Variants in COL25A1 observed in about 807,000 individuals in gnomAD.
The protein encoded by COL25A1 is collagen alpha-1(XXV) chain.
Under a neutral mutation model 128.4 loss-of-function variants are expected in COL25A1, and 103 were observed. The ratio of observed to expected loss-of-function variants is 0.80; its 90% CI spans 0.68 to 0.94. The LOEUF (loss-of-function observed/expected upper bound fraction) is 0.94. Ranked by LOEUF, COL25A1 falls within the 40% of genes least tolerant of loss-of-function variation. The pLI is 0.00. For missense variants in COL25A1, 745 were observed against 840.0 expected, an observed-to-expected ratio of 0.89 and a Z score of 1.40; for synonymous variants, 279 against 277.2, an observed-to-expected ratio of 1.01 and a Z score of -0.06.
chr4:109,283,328 C>A (rs942324301), intron 3 of COL25A1, among the ~76,000 whole-genome samples: 10 of 152,118 alleles, frequency 6.6e-5, no homozygotes, highest in Non-Finnish European at 1.3e-4. Flanking sequence ...GCTCATATAA[C>A]CTCGAACTTC....
chr4:109,094,009 T>G (rs555949986), intron 3 of COL25A1, among the ~76,000 whole-genome samples: 1 of 152,112 alleles, frequency 6.6e-6, no homozygotes, highest in Admixed American at 6.5e-5. Context: ...ATTATATGAC[T>G]AGTCAAATAC....
In COL25A1 at chr4:108,975,181, G is replaced by A. The variant is rs571516017; in HGVS notation, c.439-622C>T. On this transcript the variant is annotated intron_variant, in intron 6 of 37. Transcript: ENST00000399132. ...TTATAAAAATACGCTATGGCCAGGC[G>A]CAGTGGCTCATGCCTGTAATCCCAG... Among the ~76,000 whole-genome samples, 11 of 152,344 alleles carry A rather than the reference G, an allele frequency of 7.2e-5. No homozygotes were observed. In the South Asian group the frequency reaches 1.0e-3, roughly 14 times the overall value.
chr4:109,287,336 C>T (rs1182001108), intron 3 of COL25A1, among the ~76,000 whole-genome samples: 2 of 152,092 alleles, frequency 1.3e-5, no homozygotes, highest in Admixed American at 6.6e-5. Flanking sequence ...AGGCATTTGG[C>T]ACAGGGTTTC....
At chr4:109,058,256 A>T (rs933210657) in intron 3 of COL25A1, among the ~76,000 whole-genome samples, 1 of 152,134 alleles carries the variant, frequency 6.6e-6, no homozygotes, top group South Asian at 2.1e-4. Context: ...AGGATCCTAC[A>T]GGGGATTTAT....
chr4:108,854,401 C>CA (rs1260362656), intron 24 of COL25A1, among the ~76,000 whole-genome samples: 3 of 151,776 alleles, frequency 2.0e-5, no homozygotes, highest in East Asian at 1.9e-4. Context: ...TTCTGAATAG[C>CA]AAAAAAACTA....
At chr4:109,283,841 T>TA (rs1723616184) in intron 3 of COL25A1, among the ~76,000 whole-genome samples, 1 of 152,210 alleles carries the variant, frequency 6.6e-6, no homozygotes, top group Non-Finnish European at 1.5e-5. Flanking sequence ...CTATCTCAGC[T>TA]AAAGTTCTGC....
intron 10 of COL25A1, among the ~76,000 whole-genome samples, chr4:108,939,936 T>A (rs925417701): frequency 2.0e-5 from 3 of 152,202 alleles, no homozygotes; most frequent in African/African-American, 7.2e-5. Context: ...TGAATAAGCC[T>A]TACATACAAA....
At chr4:108,913,961 A>C (rs942642069) in intron 13 of COL25A1, among the ~76,000 whole-genome samples, 2 of 152,210 alleles carry the variant, frequency 1.3e-5, no homozygotes, top group African/African-American at 4.8e-5. Context: ...GAAAGAATAA[A>C]TTATGGAGGG....
rs556308159 is a variant in COL25A1, at chr4:108,883,232, T to C, written c.1020+946A>G. Among the ~76,000 whole-genome samples, 5 of 152,168 alleles carry C rather than the reference T, an allele frequency of 3.3e-5. No homozygotes were observed. In the South Asian group the frequency reaches 1.0e-3, roughly 32 times the overall value. ...TTCATAGATACAGGGTTTTACCATG[T>C]TGGCCAGGCTGGTTTCGAACTCCTG... is the stretch of plus-strand genomic sequence containing the variant. On this transcript the variant is annotated intron_variant, in intron 19 of 37. Coordinates refer to ENST00000399132, the MANE Select transcript of COL25A1 (RefSeq NM_198721.4).
chr4:109,137,489 T>C (rs1769906665), intron 3 of COL25A1, among the ~76,000 whole-genome samples: 1 of 152,116 alleles, frequency 6.6e-6, no homozygotes, highest in Admixed American at 6.6e-5. Context: ...ACCACTGCCT[T>C]AGTTGAGGCC....
chr4:108,817,767 C>T (rs140008515), intron 36 of COL25A1, among the ~76,000 whole-genome samples: 161 of 152,176 alleles, frequency 1.1e-3, no homozygotes, highest in African/African-American at 3.6e-3. Context: ...TCCATTAAAA[C>T]ACATCTCACT....
At chr4:109,145,813 C>G (rs1180933977) in intron 3 of COL25A1, among the ~76,000 whole-genome samples, 2 of 151,872 alleles carry the variant, frequency 1.3e-5, no homozygotes, top group Non-Finnish European at 2.9e-5. Context: ...TGCACTCTAG[C>G]CTGGGCAACA....
In COL25A1 at chr4:108,811,024, T is replaced by C. The variant is rs561504835; in HGVS notation, c.*2903A>G. The C allele has an allele frequency of 6.6e-6, 1 of 152,076 alleles. No homozygotes were observed. The highest frequency in any genetic ancestry group is 1.5e-5 in the Non-Finnish European group (1 of 67,894). 9.4% of individuals were successfully genotyped at this position (152,076 alleles called of 1,614,324 possible). On this transcript the variant is annotated 3_prime_UTR_variant, in exon 38 of 38. Transcript: ENST00000399132. ...AGAAATAGAAACTGACCTTGCCTTATTTCCAATGTGTCTTTCATGTATATT... is the reference window on the plus strand; with the variant it reads ...AGAAATAGAAACTGACCTTGCCTTACTTCCAATGTGTCTTTCATGTATATT...
intron 3 of COL25A1, among the ~76,000 whole-genome samples, chr4:109,183,982 T>A (rs1306878067): frequency 6.7e-6 from 1 of 149,644 alleles, no homozygotes; most frequent in Non-Finnish European, 1.5e-5. Flanking sequence ...CTTTCACAAC[T>A]CTCTTTGAGG....
chr4:108,859,749 T>C lies in COL25A1; in HGVS notation c.1243-16A>G. On this transcript the variant is annotated splice_polypyrimidine_tract_variant and intron_variant, in intron 23 of 37. Transcript: ENST00000399132. Reference sequence around the variant, plus strand: ...CAGGTGGACCCTATGACAAAACCAATCAAGGGAAAATCATGGGTATTAGCT... The same window carrying C: ...CAGGTGGACCCTATGACAAAACCAACCAAGGGAAAATCATGGGTATTAGCT... 2 of 1,608,132 alleles carry C rather than the reference T, an allele frequency of 1.2e-6. No individual in the cohort carries two copies. Among genetic ancestry groups the C allele is most frequent in the African/African-American group, 1.3e-5 (1 of 74,866 alleles).
intron 3 of COL25A1, among the ~76,000 whole-genome samples, chr4:109,219,912 T>A (rs1049468004): frequency 6.6e-6 from 1 of 152,186 alleles, no homozygotes; most frequent in Non-Finnish European, 1.5e-5. Context: ...TTTATCTCTA[T>A]GCTATTATAA....
chr4:109,097,745 C>A (rs1002031395), intron 3 of COL25A1, among the ~76,000 whole-genome samples: 2 of 146,908 alleles, frequency 1.4e-5, no homozygotes, highest in Non-Finnish European at 3.0e-5. Context: ...CTCACTGCAA[C>A]CTCCGCCTCC....
chr4:109,185,320 A>G (rs1437666160), intron 3 of COL25A1, among the ~76,000 whole-genome samples: 1 of 152,178 alleles, frequency 6.6e-6, no homozygotes, highest in Non-Finnish European at 1.5e-5. Flanking sequence ...ACTTATCCTT[A>G]TAAACAACAT....
At chr4:109,273,274 AAAGT>A (rs1478857989) in intron 3 of COL25A1, among the ~76,000 whole-genome samples, 1 of 152,168 alleles carries the variant, frequency 6.6e-6, no homozygotes, top group Non-Finnish European at 1.5e-5. Flanking sequence ...CTTCCAATAA[AAAGT>A]AATGAGATTT....
Sources: gnomAD v4.1 joint callset for allele counts (sites outside exome capture counted in the v4.1 genomes callset) on GRCh38, gnomAD v4.1.1 for gene constraint, MANE v1.5 for transcripts, NCBI Gene and HGNC (gene_info 2026-07-23, HGNC 2026-07-21) for gene names.